The following CPAMD8 variants were observed in gnomAD, a reference collection of about 807,000 sequenced individuals.
The protein encoded by CPAMD8 is C3 and PZP-like alpha-2-macroglobulin domain-containing protein 8.
Under a neutral mutation model 224.7 loss-of-function variants are expected in CPAMD8, and 146 were observed. That is an observed-to-expected ratio of 0.65 (90% CI 0.57 to 0.75). The LOEUF (loss-of-function observed/expected upper bound fraction) is 0.75. Ranked by LOEUF, CPAMD8 falls within the 30% of genes least tolerant of loss-of-function variation. The pLI is 0.00. For missense variants in CPAMD8, 2,301 were observed against 2,537.5 expected, an observed-to-expected ratio of 0.91 and a Z score of 2.00; for synonymous variants, 966 against 1,044.6, an observed-to-expected ratio of 0.92 and a Z score of 1.45.
intron 20 of CPAMD8, 31 bp downstream of exon 20, chr19:16,951,938 A>T: frequency 3.0e-6 from 4 of 1,341,126 alleles, no homozygotes; most frequent in South Asian, 1.3e-5. Context: ...CACTGAATGG[A>T]GGAAGGCTAT....
chr19:16,964,924 A>G (rs2054777378), intron 18 of CPAMD8, among the ~76,000 whole-genome samples: 1 of 152,174 alleles, frequency 6.6e-6, no homozygotes, highest in African/African-American at 2.4e-5. Context: ...TCACATAGAC[A>G]GAACCATTGA....
At chr19:16,910,443 T>C (rs2052682659) in intron 29 of CPAMD8, 1 of 150,930 alleles carries the variant, frequency 6.6e-6, no homozygotes, top group Non-Finnish European at 1.5e-5. Flanking sequence ...GAGCTGGGAT[T>C]ACAGGCAGGA....
chr19:16,905,148 G>A (rs2052420317), intron 30 of CPAMD8, among the ~76,000 whole-genome samples: 1 of 152,116 alleles, frequency 6.6e-6, no homozygotes. Flanking sequence ...GGCTGAGGCA[G>A]GAGAATTGCT....
chr19:16,922,573 T>G (rs2053218345), intron 26 of CPAMD8, among the ~76,000 whole-genome samples: 1 of 144,434 alleles, frequency 6.9e-6, no homozygotes, highest in Admixed American at 6.9e-5. Context: ...CCACAGCACA[T>G]CTGGGGTCCC....
At chr19:16,973,744 C>G (rs1331830832) in intron 17 of CPAMD8, among the ~76,000 whole-genome samples, 3 of 151,802 alleles carry the variant, frequency 2.0e-5, no homozygotes, top group Admixed American at 6.6e-5. Flanking sequence ...CCCTGAAGGG[C>G]GAAGCATGCT....
At chr19:16,943,077 C>T (rs2053959474) in intron 22 of CPAMD8, among the ~76,000 whole-genome samples, 1 of 146,778 alleles carries the variant, frequency 6.8e-6, no homozygotes, top group Non-Finnish European at 1.5e-5. Context: ...TTGCAAGAGT[C>T]CCTCTGTTGC....
At chr19:16,986,883 C>G (rs1045013007) in intron 13 of CPAMD8, among the ~76,000 whole-genome samples, 1 of 151,760 alleles carries the variant, frequency 6.6e-6, no homozygotes, top group Non-Finnish European at 1.5e-5. Context: ...TGGCCAGGCG[C>G]GGTGGCTCAC....
At chr19:16,923,248 CAT>C (rs924392412) in intron 26 of CPAMD8, among the ~76,000 whole-genome samples, 9 of 152,154 alleles carry the variant, frequency 5.9e-5, no homozygotes, top group African/African-American at 1.7e-4. Context: ...TGTGAGGAGA[CAT>C]ATAGAGCCAG....
At chr19:16,975,506 A>G (rs1249270442) in intron 16 of CPAMD8, among the ~76,000 whole-genome samples, 2 of 152,150 alleles carry the variant, frequency 1.3e-5, no homozygotes, top group Non-Finnish European at 2.9e-5. Flanking sequence ...AAGGAGTTCG[A>G]GACCAGCCTG....
intron 19 of CPAMD8, 94 bp downstream of exon 19, chr19:16,957,759 C>A: frequency 8.8e-7 from 1 of 1,140,710 alleles, no homozygotes; most frequent in Admixed American, 1.9e-5. Context: ...ATGTTGGTAT[C>A]AGGCCTGCCC....
At chr19:17,000,635 G>T (rs1568584129) in intron 9 of CPAMD8, 113 bp from the exon 10 acceptor site, 2 of 615,930 alleles carry the variant, frequency 3.2e-6, no homozygotes, top group Middle Eastern at 2.5e-4. Context: ...GATGGATGCA[G>T]CTCCCTCCAC....
At chr19:16,963,074 G>C (rs1375779318) in intron 18 of CPAMD8, among the ~76,000 whole-genome samples, 2 of 152,194 alleles carry the variant, frequency 1.3e-5, no homozygotes, top group Non-Finnish European at 2.9e-5. Flanking sequence ...ACCAGTACCA[G>C]CCACTGCAAA....
At chr19:16,986,470 G>A (rs933508697) in intron 13 of CPAMD8, among the ~76,000 whole-genome samples, 22 of 152,084 alleles carry the variant, frequency 1.4e-4, no homozygotes, top group Non-Finnish European at 1.9e-4. Context: ...CAGCACCAGC[G>A]TCCCCACCCT....
Position 17,011,575 on chromosome 19 carries a change from C to A in CPAMD8, c.433+17G>T, listed in dbSNP as rs745585848. The A allele has an allele frequency of 4.1e-5, 66 of 1,614,080 alleles. No homozygotes were observed. Among genetic ancestry groups the A allele is most frequent in the Non-Finnish European group, 5.5e-5 (65 of 1,180,044 alleles). Reference sequence around the variant, plus strand: ...AGACCATGGCCGGCCCTCCCTGCATCCATGCTGGCCACTCACCTCGGTGCT... The same window carrying A: ...AGACCATGGCCGGCCCTCCCTGCATACATGCTGGCCACTCACCTCGGTGCT... On this transcript the variant is annotated intron_variant, in intron 4 of 41. Coordinates refer to ENST00000443236, the MANE Select transcript of CPAMD8 (RefSeq NM_015692.5).
At chr19:16,914,578 G>A in intron 28 of CPAMD8, 79 bp downstream of exon 28, 6 of 1,610,978 alleles carry the variant, frequency 3.7e-6, no homozygotes, top group South Asian at 1.1e-5. Flanking sequence ...CAGCTCCAGG[G>A]AGTAGGAACA....
intron 12 of CPAMD8, among the ~76,000 whole-genome samples, chr19:16,990,639 C>G (rs1253787149): frequency 6.6e-6 from 1 of 151,878 alleles, no homozygotes; most frequent in East Asian, 1.9e-4. Flanking sequence ...CCAAGGTGGG[C>G]AGATCACGAG....
chr19:17,020,320 C>T lies in CPAMD8; in HGVS notation c.267+11G>A, dbSNP rs753029814. 4 of 1,577,102 alleles carry T rather than the reference C, an allele frequency of 2.5e-6. No individual in the cohort carries two copies. The highest frequency in any genetic ancestry group is 3.5e-6 in the Non-Finnish European group (4 of 1,147,252). ...AGGTCAGGTTTATGATTTTAAAAATCAACGGCTTACCTTGAGTTTGATTGT... is the reference window on the plus strand; with the variant it reads ...AGGTCAGGTTTATGATTTTAAAAATTAACGGCTTACCTTGAGTTTGATTGT... On this transcript the variant is annotated intron_variant, in intron 3 of 41. Transcript: ENST00000443236.
intron 17 of CPAMD8, among the ~76,000 whole-genome samples, chr19:16,973,862 G>A (rs1758099749): frequency 7.4e-6 from 1 of 134,912 alleles, no homozygotes; most frequent in East Asian, 2.1e-4. Flanking sequence ...ACGGAGTCTG[G>A]CTCTGTCACC....
chr19:16,992,562 C>T (rs183410803), intron 12 of CPAMD8, among the ~76,000 whole-genome samples: 1 of 152,252 alleles, frequency 6.6e-6, no homozygotes, highest in Admixed American at 6.5e-5. Flanking sequence ...AGCAATTCTC[C>T]TGCCTCAGTC....
Sources: gnomAD v4.1 joint callset for allele counts (sites outside exome capture counted in the v4.1 genomes callset) on GRCh38, gnomAD v4.1.1 for gene constraint, MANE v1.5 for transcripts, NCBI Gene and HGNC (gene_info 2026-07-23, HGNC 2026-07-21) for gene names.